Variants in ASIC2 observed in about 807,000 individuals in gnomAD.
ASIC2 encodes the protein acid sensing ion channel subunit 2, also known as acid-sensing ion channel 2.
Under a neutral mutation model 57.3 loss-of-function variants are expected in ASIC2, and 25 were observed. The observed-to-expected ratio is 0.44, with a 90% CI of 0.32 to 0.61. ASIC2 has a LOEUF of 0.61. Ranked by LOEUF, ASIC2 falls within the 20% of genes least tolerant of loss-of-function variation. ASIC2 has a pLI of 0.06. For missense variants in ASIC2, 641 were observed against 738.1 expected, an observed-to-expected ratio of 0.87 and a Z score of 1.52; for synonymous variants, 319 against 307.5, an observed-to-expected ratio of 1.04 and a Z score of -0.39.
At chr17:33,441,966 A>G (rs2141984514) in intron 1 of ASIC2, among the ~76,000 whole-genome samples, 1 of 152,320 alleles carries the variant, frequency 6.6e-6, no homozygotes, top group East Asian at 1.9e-4. Context: ...GAGAAAATAT[A>G]TTTCTTTTCA....
intron 1 of ASIC2, among the ~76,000 whole-genome samples, chr17:33,787,910 C>A (rs1359343825): frequency 6.6e-6 from 1 of 152,108 alleles, no homozygotes; most frequent in Non-Finnish European, 1.5e-5. Context: ...ATAGTGAGTT[C>A]TCACAAGATC....
At chr17:33,484,880 C>T (rs556779723) in intron 1 of ASIC2, among the ~76,000 whole-genome samples, 2 of 152,356 alleles carry the variant, frequency 1.3e-5, no homozygotes, top group African/African-American at 4.8e-5. Context: ...TAATACACCC[C>T]TACGTGTAAT....
chr17:33,840,281 G>A (rs1345483627), intron 1 of ASIC2, among the ~76,000 whole-genome samples: 1 of 152,160 alleles, frequency 6.6e-6, no homozygotes, highest in Non-Finnish European at 1.5e-5. Flanking sequence ...AAGTGTTAGG[G>A]GAGCCCAGTG....
chr17:33,504,360 A>G (rs550686509), intron 1 of ASIC2, among the ~76,000 whole-genome samples: 2 of 152,272 alleles, frequency 1.3e-5, no homozygotes, highest in African/African-American at 4.8e-5. Flanking sequence ...TGTTGTTGAG[A>G]TGGAGTCTCA....
chr17:33,852,771 C>T (rs1005197618), intron 1 of ASIC2, among the ~76,000 whole-genome samples: 7 of 152,166 alleles, frequency 4.6e-5, no homozygotes, highest in African/African-American at 1.4e-4. Flanking sequence ...CTCAAAGGGG[C>T]TCACATTACA....
chr17:33,127,342 G>A (rs2092327992), intron 1 of ASIC2, among the ~76,000 whole-genome samples: 2 of 152,176 alleles, frequency 1.3e-5, no homozygotes, highest in Admixed American at 6.5e-5. Context: ...ATGGGGGACA[G>A]CAAGAAAAAA....
intron 1 of ASIC2, among the ~76,000 whole-genome samples, chr17:33,451,549 T>C (rs545474033): frequency 1.3e-5 from 2 of 152,210 alleles, no homozygotes; most frequent in Non-Finnish European, 2.9e-5. Flanking sequence ...GATGTCTCCA[T>C]CTTCCTCTTC....
intron 1 of ASIC2, among the ~76,000 whole-genome samples, chr17:33,272,187 C>G (rs1904521511): frequency 6.6e-6 from 1 of 152,204 alleles, no homozygotes; most frequent in South Asian, 2.1e-4. Context: ...ACATCCATTT[C>G]CATTTCTGTC....
At chr17:33,076,979 G>A (rs1231540497) in intron 3 of ASIC2, among the ~76,000 whole-genome samples, 1 of 152,158 alleles carries the variant, frequency 6.6e-6, no homozygotes, top group Non-Finnish European at 1.5e-5. Flanking sequence ...GGGAATGCAT[G>A]CTTTTTTATT....
intron 1 of ASIC2, among the ~76,000 whole-genome samples, chr17:33,902,723 C>T (rs1567751392): frequency 6.6e-6 from 1 of 152,230 alleles, no homozygotes; most frequent in Non-Finnish European, 1.5e-5. Flanking sequence ...TTTCCAACCA[C>T]TGATCCAGAG....
chr17:33,365,383 G>C lies in ASIC2; in HGVS notation c.556-253316C>G, dbSNP rs187999768. Reference sequence around the variant, plus strand: ...GCTCCTAGGGTAGTAACTGGGTCTTGTTTTTTTTTTGATTCCCTAGTGTTT... The same window carrying C: ...GCTCCTAGGGTAGTAACTGGGTCTTCTTTTTTTTTTGATTCCCTAGTGTTT... On this transcript the variant is annotated intron_variant, in intron 1 of 9. Coordinates refer to the ASIC2 transcript ENST00000359872. 9.4e-3 allele frequency among the ~76,000 whole-genome samples: 1,405 copies of C among 149,380 alleles called. 25 individuals are homozygous for C. Among genetic ancestry groups the C allele is most frequent in the African/African-American group, 0.033 (1,336 of 40,784 alleles).
At chr17:33,858,196 C>A (rs1039408417) in intron 1 of ASIC2, among the ~76,000 whole-genome samples, 3 of 152,342 alleles carry the variant, frequency 2.0e-5, no homozygotes, top group Middle Eastern at 3.4e-3. Flanking sequence ...GTCACCTACC[C>A]AGAGGTAGGC....
At chr17:33,867,683 A>G (rs946305044) in intron 1 of ASIC2, among the ~76,000 whole-genome samples, 1 of 152,238 alleles carries the variant, frequency 6.6e-6, no homozygotes, top group Non-Finnish European at 1.5e-5. Flanking sequence ...GGGTAAATGC[A>G]GCAGTGTTTT....
intron 1 of ASIC2, among the ~76,000 whole-genome samples, chr17:33,808,232 A>G (rs977328923): frequency 1.2e-4 from 19 of 152,218 alleles, no homozygotes; most frequent in African/African-American, 4.6e-4. Flanking sequence ...CTGTGTCTAC[A>G]TTCTTTTTTT....
intron 3 of ASIC2, among the ~76,000 whole-genome samples, chr17:33,063,657 A>G (rs1190024188): frequency 6.6e-6 from 1 of 152,094 alleles, no homozygotes; most frequent in East Asian, 1.9e-4. Context: ...TGCTCTTCTC[A>G]AGGAGTATCT....
chr17:34,085,287 T>C (rs1347664003), intron 1 of ASIC2, among the ~76,000 whole-genome samples: 1 of 152,204 alleles, frequency 6.6e-6, no homozygotes, highest in Non-Finnish European at 1.5e-5. Flanking sequence ...CTGCATCTAT[T>C]GAGATAATCA....
chr17:33,788,368 C>T (rs565409272), intron 1 of ASIC2, among the ~76,000 whole-genome samples: 23 of 152,066 alleles, frequency 1.5e-4, no homozygotes, highest in African/African-American at 5.1e-4. Context: ...CATCTCATGC[C>T]GACAGAATGG....
At chr17:33,984,802 A>T (rs1331325103) in intron 1 of ASIC2, among the ~76,000 whole-genome samples, 2 of 152,196 alleles carry the variant, frequency 1.3e-5, no homozygotes, top group African/African-American at 4.8e-5. Context: ...TGGAGGAAGG[A>T]GAGGCAAAGA....
At chr17:33,752,397 G>A (rs1202988664) in intron 1 of ASIC2, among the ~76,000 whole-genome samples, 1 of 151,966 alleles carries the variant, frequency 6.6e-6, no homozygotes, top group Non-Finnish European at 1.5e-5. Flanking sequence ...AAGTCAAAAG[G>A]TGGGGTGGTT....
Sources: allele counts gnomAD v4.1 joint callset (sites outside exome capture counted in the v4.1 genomes callset), GRCh38; gene constraint gnomAD v4.1.1; transcripts MANE v1.5; gene names NCBI Gene and HGNC (gene_info 2026-07-23, HGNC 2026-07-21).